Variants in CAST observed in about 807,000 individuals in gnomAD.
CAST encodes the protein calpastatin, also known as MIR583 host.
A neutral mutation model predicts 119.6 loss-of-function variants in CAST; 76 were observed. That is an observed-to-expected ratio of 0.64 (90% CI 0.53 to 0.77). CAST has a LOEUF of 0.77. Among genes scored for constraint, CAST ranks in the 30% least tolerant of loss-of-function variants. The pLI, the probability that CAST is intolerant of heterozygous loss-of-function variation, is 0.00. For synonymous variants in CAST, 319 were observed against 331.6 expected (o/e 0.96, Z 0.41); for missense variants, 953 against 946.5 (o/e 1.01, Z -0.09).
At chr5:96,559,092 A>G (rs1279818749) in intron 1 of CAST, among the ~76,000 whole-genome samples, 5 of 152,142 alleles carry the variant, frequency 3.3e-5, no homozygotes, top group Non-Finnish European at 4.4e-5. Flanking sequence ...TATAAACAGA[A>G]CCAATGACAA....
At chr5:96,763,494 C>T (rs112964960) in intron 25 of CAST, among the ~76,000 whole-genome samples, 3 of 152,292 alleles carry the variant, frequency 2.0e-5, no homozygotes, top group African/African-American at 7.2e-5. Flanking sequence ...AGATTCTGCC[C>T]TGATGAAGGC....
At chr5:96,167,399 C>G in the CAST span, among the ~76,000 whole-genome samples, 1 of 152,064 alleles carries the variant, frequency 6.6e-6, no homozygotes, top group South Asian at 2.1e-4. Context: ...GGGCGCAGTC[C>G]AAGTTGGTCT....
the CAST span, among the ~76,000 whole-genome samples, chr5:96,051,759 C>G: frequency 2.0e-5 from 3 of 152,158 alleles, no homozygotes; most frequent in Admixed American, 2.0e-4. Context: ...CATAATGCCA[C>G]CGTTCTTAGT....
chr5:96,425,575 T>C, the CAST span, among the ~76,000 whole-genome samples: 2 of 152,184 alleles, frequency 1.3e-5, no homozygotes, highest in African/African-American at 4.8e-5. Context: ...CCAAATAAAC[T>C]TAAGAAGACA....
At chr5:96,109,933 TAAAAA>T in the CAST span, among the ~76,000 whole-genome samples, 1 of 146,566 alleles carries the variant, frequency 6.8e-6, no homozygotes, top group Non-Finnish European at 1.5e-5. Context: ...GTAAAAATGA[TAAAAA>T]AAAAAGAAAA....
the CAST span, among the ~76,000 whole-genome samples, chr5:96,055,633 AC>A: frequency 2.0e-5 from 3 of 152,178 alleles, no homozygotes; most frequent in Non-Finnish European, 4.4e-5. Flanking sequence ...AAACAAATGA[AC>A]CAAAAACCAT....
At chr5:96,540,889 G>A (rs774392068) in intron 1 of CAST, among the ~76,000 whole-genome samples, 8 of 152,198 alleles carry the variant, frequency 5.3e-5, no homozygotes, top group Non-Finnish European at 1.2e-4. Context: ...CAGAAGTAAA[G>A]TGCCCTTTTC....
At chr5:96,669,212 T>C (rs1561454941) in intron 1 of CAST, among the ~76,000 whole-genome samples, 1 of 152,248 alleles carries the variant, frequency 6.6e-6, no homozygotes, top group Admixed American at 6.5e-5. Flanking sequence ...ACAGAAGCTT[T>C]GGTCCATCTG....
the CAST span, among the ~76,000 whole-genome samples, chr5:95,967,431 A>C: frequency 6.6e-6 from 1 of 151,562 alleles, no homozygotes; most frequent in African/African-American, 2.4e-5. Context: ...TAAATAAATA[A>C]ATAAATAAAT....
At chr5:96,221,832 G>A in the CAST span, among the ~76,000 whole-genome samples, 1 of 152,138 alleles carries the variant, frequency 6.6e-6, no homozygotes. Flanking sequence ...AGAACTGGAG[G>A]TAACACACCA....
the CAST span, among the ~76,000 whole-genome samples, chr5:96,212,787 A>G: frequency 6.6e-6 from 1 of 152,068 alleles, no homozygotes; most frequent in South Asian, 2.1e-4. Flanking sequence ...CACATTTACG[A>G]CTTCTATGTT....
At chr5:96,687,391 A>G (rs539091333) in intron 2 of CAST, among the ~76,000 whole-genome samples, 20 of 152,342 alleles carry the variant, frequency 1.3e-4, no homozygotes, top group African/African-American at 4.3e-4. Flanking sequence ...GAGACACTTC[A>G]CATGTTATAG....
At chr5:96,222,814 A>G in the CAST span, among the ~76,000 whole-genome samples, 1 of 152,148 alleles carries the variant, frequency 6.6e-6, no homozygotes, top group Non-Finnish European at 1.5e-5. Flanking sequence ...CTGCACCCCT[A>G]TGTTTATTGC....
chr5:96,090,276 G>C, the CAST span, among the ~76,000 whole-genome samples: 3 of 152,168 alleles, frequency 2.0e-5, no homozygotes, highest in African/African-American at 7.2e-5. Flanking sequence ...GCAGCTGACT[G>C]AAGGTTCTAT....
the CAST span, chr5:96,423,226 G>C: frequency 7.7e-7 from 1 of 1,294,624 alleles, no homozygotes; most frequent in East Asian, 2.5e-5. Flanking sequence ...CACCAGAGCA[G>C]CATCCCCTTG....
the CAST span, among the ~76,000 whole-genome samples, chr5:96,202,136 T>C: frequency 6.6e-6 from 1 of 152,064 alleles, no homozygotes; most frequent in Non-Finnish European, 1.5e-5. Context: ...ATACAACCAA[T>C]GATATCAGGC....
chr5:95,968,609 G>A, the CAST span, among the ~76,000 whole-genome samples: 1 of 152,098 alleles, frequency 6.6e-6, no homozygotes, highest in Non-Finnish European at 1.5e-5. Flanking sequence ...AACATGTCAT[G>A]ACAAAAAGCA....
chr5:96,612,537 T>C (rs1747382933), intron 1 of CAST, among the ~76,000 whole-genome samples: 1 of 152,152 alleles, frequency 6.6e-6, no homozygotes, highest in African/African-American at 2.4e-5. Flanking sequence ...TTTCACAATA[T>C]ATCCACGTAA....
intron 1 of CAST, among the ~76,000 whole-genome samples, chr5:96,551,483 A>G (rs1192385527): frequency 6.6e-6 from 1 of 152,224 alleles, no homozygotes; most frequent in Admixed American, 6.5e-5. Flanking sequence ...TGTAAAGACC[A>G]TCGACACTAT....
Sources: gnomAD v4.1 joint callset for allele counts (sites outside exome capture counted in the v4.1 genomes callset) on GRCh38, gnomAD v4.1.1 for gene constraint, MANE v1.5 for transcripts, NCBI Gene and HGNC (gene_info 2026-07-23, HGNC 2026-07-21) for gene names.